Variants in CDH12 observed in about 807,000 individuals in gnomAD.
CDH12 encodes cadherin-12.
A neutral mutation model predicts 74.1 loss-of-function variants in CDH12; 41 were observed. The ratio of observed to expected loss-of-function variants is 0.55; its 90% CI spans 0.43 to 0.72. The LOEUF is 0.72. Among genes scored for constraint, CDH12 ranks in the 30% least tolerant of loss-of-function variants. CDH12 has a pLI of 0.00. For missense variants in CDH12, 945 were observed against 977.2 expected (o/e 0.97, Z 0.44); for synonymous variants, 399 against 355.0 (o/e 1.12, Z -1.39).
At chr5:22,431,338 C>T (rs987916348) in intron 2 of CDH12, among the ~76,000 whole-genome samples, 4 of 152,132 alleles carry the variant, frequency 2.6e-5, no homozygotes, top group Non-Finnish European at 5.9e-5. Context: ...CTAGTGGCAA[C>T]GTAGCCATCA....
At chr5:22,328,122 C>G (rs533355351) in intron 3 of CDH12, among the ~76,000 whole-genome samples, 5 of 152,126 alleles carry the variant, frequency 3.3e-5, no homozygotes, top group Non-Finnish European at 7.4e-5. Flanking sequence ...TATAAATCCT[C>G]CTGGGCCACC....
At chr5:21,786,571 T>C (rs1207811009) in intron 10 of CDH12, among the ~76,000 whole-genome samples, 1 of 152,158 alleles carries the variant, frequency 6.6e-6, no homozygotes, top group Non-Finnish European at 1.5e-5. Flanking sequence ...CAGACGGAGA[T>C]GTATAAGGAA....
intron 5 of CDH12, among the ~76,000 whole-genome samples, chr5:21,991,757 T>C (rs1757765105): frequency 1.3e-5 from 2 of 151,498 alleles, no homozygotes; most frequent in African/African-American, 4.8e-5. Context: ...CCTCATTCTA[T>C]AGTAACTACT....
At chr5:22,259,838 A>T (rs912611072) in intron 3 of CDH12, among the ~76,000 whole-genome samples, 1 of 152,020 alleles carries the variant, frequency 6.6e-6, no homozygotes, top group Non-Finnish European at 1.5e-5. Context: ...TTTGAAGCTG[A>T]CCGAATTGAG....
At chr5:22,174,236 T>C (rs910388842) in intron 4 of CDH12, among the ~76,000 whole-genome samples, 7 of 151,976 alleles carry the variant, frequency 4.6e-5, no homozygotes, top group African/African-American at 1.4e-4. Context: ...ACTAAACACA[T>C]GCTTAAAGCT....
chr5:22,184,647 C>A (rs1406626075), intron 4 of CDH12, among the ~76,000 whole-genome samples: 1 of 152,120 alleles, frequency 6.6e-6, no homozygotes, highest in Non-Finnish European at 1.5e-5. Context: ...AAAATAAATC[C>A]TCCTGAGAAC....
Position 22,488,311 on chromosome 5 carries a change from G to T in CDH12, c.-428+16959C>A, listed in dbSNP as rs1255300031. Among the ~76,000 whole-genome samples the T allele has an allele frequency of 2.6e-5, 4 of 152,228 alleles. No individual in the cohort carries two copies. The South Asian group carries it at 8.3e-4, about 32-fold the overall frequency. On this transcript the variant is annotated intron_variant, in intron 2 of 14. Coordinates refer to ENST00000382254, the MANE Select transcript of CDH12 (RefSeq NM_004061.5). The stretch of plus-strand genomic sequence containing the variant: ...ATGGAGAAAATAGTGCAAAATAAAA[G>T]AAATATTTTTTTCCGTGGGTGTCAA...
chr5:22,121,413 C>T (rs957267909), intron 4 of CDH12, among the ~76,000 whole-genome samples: 1 of 152,136 alleles, frequency 6.6e-6, no homozygotes, highest in Non-Finnish European at 1.5e-5. Flanking sequence ...TCACAGCATC[C>T]ATTTGGCATT....
chr5:22,729,028 C>A (rs1217910569), intron 1 of CDH12, among the ~76,000 whole-genome samples: 1 of 151,900 alleles, frequency 6.6e-6, no homozygotes, highest in African/African-American at 2.4e-5. Flanking sequence ...TTTAGACCAG[C>A]AGTTCCTCAT....
intron 4 of CDH12, among the ~76,000 whole-genome samples, chr5:22,172,696 C>A (rs1749102477): frequency 6.6e-6 from 1 of 151,730 alleles, no homozygotes; most frequent in African/African-American, 2.4e-5. Flanking sequence ...GGGTAGATGA[C>A]TGTATACTGT....
At chr5:22,119,283 TC>T (rs1745360902) in intron 4 of CDH12, among the ~76,000 whole-genome samples, 1 of 139,184 alleles carries the variant, frequency 7.2e-6, no homozygotes, top group African/African-American at 2.7e-5. Context: ...ATCTTCTACT[TC>T]GTTTTTTTTT....
At chr5:21,889,223 AC>A (rs1186187611) in intron 6 of CDH12, among the ~76,000 whole-genome samples, 2 of 152,146 alleles carry the variant, frequency 1.3e-5, no homozygotes, top group Non-Finnish European at 2.9e-5. Context: ...TATAATTTGA[AC>A]ATTAAAAATG....
Position 22,758,418 on chromosome 5 carries a change from AC to A in CDH12, c.-523+94639del, listed in dbSNP as rs1746042484. ...CAGTGGGCATGTGTCCTCGCTTGCC[AC>A]CCCACAAAAAAGCAAACAAACAAAA... On this transcript the variant is annotated intron_variant, in intron 1 of 14. Transcript: ENST00000382254. Among the ~76,000 whole-genome samples the A allele has an allele frequency of 2.0e-5, 3 of 152,124 alleles. No individual in the cohort carries two copies. The South Asian group carries it at 6.2e-4, about 32-fold the overall frequency.
At chr5:22,692,171 C>G (rs759559131) in intron 1 of CDH12, among the ~76,000 whole-genome samples, 4 of 152,182 alleles carry the variant, frequency 2.6e-5, no homozygotes, top group Non-Finnish European at 5.9e-5. Flanking sequence ...TGAAAAGAGT[C>G]TGACAGCTCC....
chr5:22,726,777 C>T (rs1744184482), intron 1 of CDH12, among the ~76,000 whole-genome samples: 1 of 151,702 alleles, frequency 6.6e-6, no homozygotes, highest in Non-Finnish European at 1.5e-5. Context: ...TCTTAGAGAG[C>T]TTTCTTCCTG....
chr5:22,163,926 CAT>C, intron 4 of CDH12, among the ~76,000 whole-genome samples: 1 of 152,216 alleles, frequency 6.6e-6, no homozygotes, highest in South Asian at 2.1e-4. Flanking sequence ...AAGAAAAAGC[CAT>C]TTAGATTATA....
At chr5:22,823,017 AT>A (rs1749792371) in intron 1 of CDH12, among the ~76,000 whole-genome samples, 1 of 152,188 alleles carries the variant, frequency 6.6e-6, no homozygotes, top group South Asian at 2.1e-4. Context: ...GATTAAGAAA[AT>A]GTGGCACATA....
intron 1 of CDH12, among the ~76,000 whole-genome samples, chr5:22,581,183 C>A (rs1349824900): frequency 6.6e-6 from 1 of 152,204 alleles, no homozygotes; most frequent in Non-Finnish European, 1.5e-5. Context: ...GTCTTCACTG[C>A]AGCCCCTCCC....
At chr5:22,311,345 T>C (rs1019855352) in intron 3 of CDH12, among the ~76,000 whole-genome samples, 3 of 152,226 alleles carry the variant, frequency 2.0e-5, no homozygotes, top group Admixed American at 2.0e-4. Flanking sequence ...ACATTTTTAT[T>C]TGTATCAGAA....
Sources: gnomAD v4.1 joint callset for allele counts (sites outside exome capture counted in the v4.1 genomes callset) on GRCh38, gnomAD v4.1.1 for gene constraint, MANE v1.5 for transcripts, NCBI Gene and HGNC (gene_info 2026-07-23, HGNC 2026-07-21) for gene names.